The following CNTNAP3 variants were observed in gnomAD, a reference collection of about 807,000 sequenced individuals.
The protein encoded by CNTNAP3 is contactin-associated protein-like 3.
Under a neutral mutation model 92.1 loss-of-function variants are expected in CNTNAP3, and 36 were observed. The ratio of observed to expected loss-of-function variants is 0.39; its 90% CI spans 0.30 to 0.52. CNTNAP3 has a LOEUF of 0.52. Ranked by LOEUF, CNTNAP3 falls within the 20% of genes least tolerant of loss-of-function variation. The pLI is 0.76. For missense variants in CNTNAP3, 534 were observed against 1,069.6 expected (o/e 0.50, Z 6.98); for synonymous variants, 232 against 422.3 (o/e 0.55, Z 5.53).
At chr9:39,127,488 A>G (rs909634772) in intron 13 of CNTNAP3, among the ~76,000 whole-genome samples, 14 of 152,174 alleles carry the variant, frequency 9.2e-5, no homozygotes, top group Admixed American at 3.3e-4. Flanking sequence ...TCGAAAATCT[A>G]GTTCTAAAAA....
At chr9:39,272,588 G>GA (rs1822934121) in intron 1 of CNTNAP3, among the ~76,000 whole-genome samples, 1 of 20,364 alleles carries the variant, frequency 4.9e-5, no homozygotes, top group African/African-American at 9.6e-5. Flanking sequence ...ACACGACACA[G>GA]AAAAAAATAC....
At chr9:39,082,237 A>C (rs1441533684) in intron 21 of CNTNAP3, among the ~76,000 whole-genome samples, 4 of 152,010 alleles carry the variant, frequency 2.6e-5, no homozygotes, top group Non-Finnish European at 5.9e-5. Context: ...CACAGACTTT[A>C]CACGTTTTCA....
At chr9:39,111,129 A>G (rs1826738767) in intron 14 of CNTNAP3, among the ~76,000 whole-genome samples, 1 of 152,230 alleles carries the variant, frequency 6.6e-6, no homozygotes, top group South Asian at 2.1e-4. Context: ...TAATGATCAA[A>G]TCAGGATAAC....
At chr9:39,151,079 C>A (rs950111911) in intron 9 of CNTNAP3, among the ~76,000 whole-genome samples, 5 of 144,600 alleles carry the variant, frequency 3.5e-5, no homozygotes, top group African/African-American at 1.3e-4. Flanking sequence ...ACTGTAAAAT[C>A]TTTTTATTTA....
At chr9:39,091,094 T>G (rs1425533957) in intron 18 of CNTNAP3, among the ~76,000 whole-genome samples, 1 of 152,086 alleles carries the variant, frequency 6.6e-6, no homozygotes, top group Non-Finnish European at 1.5e-5. Context: ...TCTTTGGGAT[T>G]TTTTTATATA....
chr9:39,115,807 C>A (rs1024307632), intron 14 of CNTNAP3, among the ~76,000 whole-genome samples: 3 of 152,010 alleles, frequency 2.0e-5, no homozygotes, highest in Admixed American at 6.6e-5. Flanking sequence ...TCCTCCCATT[C>A]CCCTCCTCAA....
In CNTNAP3 at chr9:39,071,391, C is replaced by G. The variant is rs1050255040; in HGVS notation, c.*2499G>C. Among the ~76,000 whole-genome samples, 1 of 151,518 alleles carries G rather than the reference C, an allele frequency of 6.6e-6. No individual in the cohort carries two copies. The highest frequency in any genetic ancestry group is 2.4e-5 in the African/African-American group (1 of 41,144). On this transcript the variant is annotated 3_prime_UTR_variant, in exon 24 of 24. Coordinates refer to ENST00000297668, the MANE Select transcript of CNTNAP3 (RefSeq NM_033655.5). Reference sequence around the variant, plus strand: ...AAAAATATTGAGATAATACCACTCACCAGTGTCACTATTTTACAGAGATAA... The same window carrying G: ...AAAAATATTGAGATAATACCACTCAGCAGTGTCACTATTTTACAGAGATAA...
At chr9:39,114,937 G>C (rs1411933114) in intron 14 of CNTNAP3, among the ~76,000 whole-genome samples, 1 of 150,350 alleles carries the variant, frequency 6.7e-6, no homozygotes, top group Non-Finnish European at 1.5e-5. Context: ...TTTGAACATA[G>C]TCCACTATAC....
intron 18 of CNTNAP3, among the ~76,000 whole-genome samples, chr9:39,092,665 T>C (rs7873223): frequency 0.095 from 12,798 of 134,238 alleles, 1,564 homozygotes; most frequent in Admixed American, 0.15. Flanking sequence ...ATATGTTCCA[T>C]GAACACTTGA....
At chr9:39,075,056 C>A (rs7467986) in intron 23 of CNTNAP3, among the ~76,000 whole-genome samples, 1 of 152,300 alleles carries the variant, frequency 6.6e-6, no homozygotes, top group Non-Finnish European at 1.5e-5. Context: ...GCGTGAGCCA[C>A]CGCGCCCGGC....
rs573054488 is a variant in CNTNAP3, at chr9:39,139,589, CT to C, written c.1876+929del. Among the ~76,000 whole-genome samples the C allele has an allele frequency of 2.5e-3, 380 of 152,178 alleles. 2 individuals carry two copies. The highest frequency in any genetic ancestry group is 8.6e-3 in the African/African-American group (359 of 41,526). Reference sequence around the variant, plus strand: ...TCCAAATTTATGAAACTTTTGAAACCTTTTGTCAGCACAATAAATGAGAACA... The same window carrying C: ...TCCAAATTTATGAAACTTTTGAAACCTTTGTCAGCACAATAAATGAGAACA... On this transcript the variant is annotated intron_variant, in intron 12 of 23. Transcript: ENST00000297668.
intron 3 of CNTNAP3, among the ~76,000 whole-genome samples, chr9:39,218,410 TTTA>T (rs1272875600): frequency 0.014 from 112 of 7,782 alleles, 43 homozygotes; most frequent in African/African-American, 0.016. Context: ...ATCTCATGAA[TTTA>T]TTATTATTAT....
At chr9:39,142,088 A>G (rs1306161944) in intron 11 of CNTNAP3, among the ~76,000 whole-genome samples, 1 of 152,154 alleles carries the variant, frequency 6.6e-6, no homozygotes, top group East Asian at 1.9e-4. Flanking sequence ...CAATCTCCTG[A>G]TATTTTCCCT....
intron 17 of CNTNAP3, among the ~76,000 whole-genome samples, chr9:39,102,290 C>A (rs1335060644): frequency 6.7e-6 from 1 of 148,544 alleles, no homozygotes; most frequent in African/African-American, 2.6e-5. Flanking sequence ...AAAACAAAAA[C>A]AAAAACAAAA....
chr9:39,074,863 G>T (rs1160828697), intron 23 of CNTNAP3, among the ~76,000 whole-genome samples: 7 of 152,270 alleles, frequency 4.6e-5, no homozygotes, highest in Non-Finnish European at 8.8e-5. Context: ...CCGCCTCCCA[G>T]GTTCACGCCA....
Position 39,085,398 on chromosome 9 carries a change from G to A in CNTNAP3, c.3442+338C>T, listed in dbSNP as rs138189269. On this transcript the variant is annotated intron_variant, in intron 21 of 23. Coordinates refer to ENST00000297668, the MANE Select transcript of CNTNAP3 (RefSeq NM_033655.5). ...TTGAATGATGGTCTCCGGAGTTGAT[G>A]TTGATTAATACATACATAATCTGTG... is the stretch of plus-strand genomic sequence containing the variant. 8.1e-3 allele frequency: 2,286 copies of A among 281,122 alleles called. 71 individuals carry two copies. The highest frequency in any genetic ancestry group is 0.047 in the African/African-American group (2,069 of 43,714). The allele number at this position is 281,122 out of a possible 1,614,324, so 17.4% of individuals were successfully genotyped here.
chr9:39,209,630 C>T (rs1196866054), intron 3 of CNTNAP3, among the ~76,000 whole-genome samples: 27 of 94,042 alleles, frequency 2.9e-4, no homozygotes, highest in African/African-American at 1.1e-3. Context: ...TCCCCCACTC[C>T]CCTCTCCCAC....
At chr9:39,102,375 AT>A (rs1587707673) in intron 17 of CNTNAP3, 121 bp downstream of exon 17, 1 of 1,514,840 alleles carries the variant, frequency 6.6e-7, no homozygotes, top group East Asian at 2.4e-5. Context: ...TTATCAGCAA[AT>A]AGTACCAATA....
chr9:39,097,271 G>C (rs1248261411), intron 18 of CNTNAP3, among the ~76,000 whole-genome samples: 1 of 152,022 alleles, frequency 6.6e-6, no homozygotes, highest in Non-Finnish European at 1.5e-5. Context: ...AGTTCACTTG[G>C]GGAGGGCTAC....
Sources: allele counts gnomAD v4.1 joint callset (sites outside exome capture counted in the v4.1 genomes callset), GRCh38; gene constraint gnomAD v4.1.1; transcripts MANE v1.5; gene names NCBI Gene and HGNC (gene_info 2026-07-23, HGNC 2026-07-21).